Variants in INTS9 observed in about 807,000 individuals in gnomAD.
The protein encoded by INTS9 is integrator complex subunit 9, also known as protein related to CPSF subunits of 74 kDa.
A neutral mutation model predicts 79.7 loss-of-function variants in INTS9; 55 were observed. That is an observed-to-expected ratio of 0.69 (90% CI 0.56 to 0.86). The LOEUF is 0.86. INTS9 is among the 40% of genes least tolerant of loss of function. INTS9 has a pLI of 0.00. For missense variants in INTS9, 721 were observed against 831.5 expected, an observed-to-expected ratio of 0.87 and a Z score of 1.64; for synonymous variants, 319 against 325.2, an observed-to-expected ratio of 0.98 and a Z score of 0.20.
intron 6 of INTS9, among the ~76,000 whole-genome samples, chr8:28,827,376 CTTTT>C (rs1465137308): frequency 6.6e-6 from 1 of 152,116 alleles, no homozygotes; most frequent in Admixed American, 6.5e-5. Flanking sequence ...AATATTAAAA[CTTTT>C]AAGTCCAGAA....
At chr8:28,810,812 T>C (rs1440990306) in intron 8 of INTS9, among the ~76,000 whole-genome samples, 2 of 152,190 alleles carry the variant, frequency 1.3e-5, no homozygotes, top group Non-Finnish European at 2.9e-5. Context: ...TTCATAACAA[T>C]GTTTATATGT....
intron 10 of INTS9, among the ~76,000 whole-genome samples, chr8:28,790,240 C>T (rs1222691207): frequency 6.6e-6 from 1 of 152,214 alleles, no homozygotes; most frequent in Non-Finnish European, 1.5e-5. Flanking sequence ...GCCAAACCCT[C>T]AGCACAGGCT....
At chr8:28,875,329 G>A (rs1252262162) in intron 1 of INTS9, among the ~76,000 whole-genome samples, 2 of 152,072 alleles carry the variant, frequency 1.3e-5, no homozygotes, top group African/African-American at 4.8e-5. Context: ...ACATCACTGG[G>A]GAAATGGAAC....
At chr8:28,864,613 A>G (rs1808635442) in intron 1 of INTS9, among the ~76,000 whole-genome samples, 1 of 152,232 alleles carries the variant, frequency 6.6e-6, no homozygotes, top group Non-Finnish European at 1.5e-5. Context: ...ATGGGACTGA[A>G]CAGTGCATTA....
chr8:28,802,482 A>AGCT (rs1329043319), intron 8 of INTS9, among the ~76,000 whole-genome samples: 2 of 152,212 alleles, frequency 1.3e-5, no homozygotes, highest in Non-Finnish European at 2.9e-5. Flanking sequence ...CACGTGTCTT[A>AGCT]GCTTCAAGGC....
At position 28,881,190 on chromosome 8, in the gene INTS9, C is replaced by T. The variant is rs1262095015; in HGVS notation, c.9+8684G>A. Among the ~76,000 whole-genome samples, 6 of 148,392 alleles carry T rather than the reference C, an allele frequency of 4.0e-5. No homozygotes were observed. The East Asian group carries it at 8.3e-4, about 21-fold the overall frequency. Reference sequence around the variant, plus strand: ...GAGGTGAGGGGCGCCTCTGCCCGGCCGCCCCTACTGGGAAGTGAGGAGCCC... The same window carrying T: ...GAGGTGAGGGGCGCCTCTGCCCGGCTGCCCCTACTGGGAAGTGAGGAGCCC... On this transcript the variant is annotated intron_variant, in intron 1 of 16. Coordinates refer to ENST00000521022, the MANE Select transcript of INTS9 (RefSeq NM_018250.4).
chr8:28,884,952 C>T (rs974073834), intron 1 of INTS9, among the ~76,000 whole-genome samples: 11 of 152,200 alleles, frequency 7.2e-5, no homozygotes, highest in Non-Finnish European at 1.3e-4. Flanking sequence ...ACTCTCAGAT[C>T]CAAGGTGAGG....
intron 1 of INTS9, among the ~76,000 whole-genome samples, chr8:28,887,613 A>G (rs970630239): frequency 2.0e-5 from 3 of 152,238 alleles, no homozygotes; most frequent in African/African-American, 7.2e-5. Flanking sequence ...ACACAAAATT[A>G]AAACTTTTAG....
At chr8:28,793,158 C>T (rs1804013079) in intron 10 of INTS9, among the ~76,000 whole-genome samples, 1 of 152,182 alleles carries the variant, frequency 6.6e-6, no homozygotes, top group African/African-American at 2.4e-5. Context: ...GGATTAAATG[C>T]AGCCTAGACT....
At chr8:28,779,583 TAAG>T (rs1675516800) in intron 12 of INTS9, among the ~76,000 whole-genome samples, 1 of 152,162 alleles carries the variant, frequency 6.6e-6, no homozygotes, top group African/African-American at 2.4e-5. Flanking sequence ...AAGAATGAGT[TAAG>T]AAACCCATCG....
chr8:28,799,232 G>T (rs1379082584), intron 8 of INTS9, among the ~76,000 whole-genome samples: 2 of 152,138 alleles, frequency 1.3e-5, no homozygotes, highest in African/African-American at 4.8e-5. Flanking sequence ...GGAGGCGGAG[G>T]TTGCAGTGAG....
chr8:28,889,593 C>A (rs1810482995), intron 1 of INTS9, among the ~76,000 whole-genome samples: 1 of 152,222 alleles, frequency 6.6e-6, no homozygotes, highest in East Asian at 1.9e-4. Flanking sequence ...GTTAACAGAG[C>A]CCACAGAGTT....
chr8:28,841,212 T>A (rs1807162686), intron 4 of INTS9, among the ~76,000 whole-genome samples: 1 of 152,196 alleles, frequency 6.6e-6, no homozygotes, highest in African/African-American at 2.4e-5. Flanking sequence ...TCACCCCAAG[T>A]TGTGCACTGC....
intron 6 of INTS9, among the ~76,000 whole-genome samples, chr8:28,814,218 G>A (rs191150148): frequency 6.6e-6 from 1 of 151,456 alleles, no homozygotes; most frequent in Admixed American, 6.6e-5. Flanking sequence ...TCCAAGTACT[G>A]GGGTGAAATG....
intron 3 of INTS9, among the ~76,000 whole-genome samples, chr8:28,848,961 A>C (rs1302060517): frequency 6.6e-6 from 1 of 152,238 alleles, no homozygotes; most frequent in Non-Finnish European, 1.5e-5. Flanking sequence ...TCAGGTGCAC[A>C]GGTTTCTGAA....
Position 28,769,935 on chromosome 8 carries a change from A to G in INTS9, c.1754T>C (p.Leu585Ser), listed in dbSNP as rs1802430538. ...VPDCKVLKPL[L>S]SGSIPVEQFV... Reference sequence around the variant, plus strand: ...CTGCTCCACAGGGATGGAACCGCTCAACAAAGGCTTCAGGACTTTGCAGTC... The same window carrying G: ...CTGCTCCACAGGGATGGAACCGCTCGACAAAGGCTTCAGGACTTTGCAGTC... The change falls in exon 16 of 17, where the codon TTG becomes TCG. Residue 585 changes from leucine (L) to serine (S), a missense_variant. Transcript: ENST00000521022. 1.2e-6 allele frequency: 2 copies of G among 1,614,238 alleles called. No homozygotes were observed. The highest frequency in any genetic ancestry group is 8.5e-7 in the Non-Finnish European group (1 of 1,180,034).
intron 14 of INTS9, among the ~76,000 whole-genome samples, chr8:28,773,793 G>A (rs1017650432): frequency 2.6e-5 from 4 of 151,936 alleles, no homozygotes; most frequent in African/African-American, 9.6e-5. Flanking sequence ...TGAAGTGCTG[G>A]GGTTTACAGG....
intron 1 of INTS9, among the ~76,000 whole-genome samples, chr8:28,876,520 T>C (rs977101410): frequency 8.5e-5 from 13 of 152,064 alleles, no homozygotes; most frequent in African/African-American, 3.1e-4. Context: ...GCACGTAAAT[T>C]AAAATACATA....
intron 1 of INTS9, chr8:28,861,988 G>GT (rs1481576957): frequency 1.1e-5 from 7 of 666,058 alleles, no homozygotes; most frequent in Non-Finnish European, 9.3e-6. Context: ...ACACAGCGAG[G>GT]TCCCTCTGAC....
Sources: gnomAD v4.1 joint callset for allele counts (sites outside exome capture counted in the v4.1 genomes callset) on GRCh38, gnomAD v4.1.1 for gene constraint, MANE v1.5 for transcripts, NCBI Gene and HGNC (gene_info 2026-07-23, HGNC 2026-07-21) for gene names.